The following SLC8A3 variants were observed in gnomAD, a reference collection of about 807,000 sequenced individuals.
The protein encoded by SLC8A3 is sodium/calcium exchanger 3.
Under a neutral mutation model 65.4 loss-of-function variants are expected in SLC8A3, and 37 were observed. The observed-to-expected ratio is 0.57, with a 90% CI of 0.44 to 0.74. The LOEUF (loss-of-function observed/expected upper bound fraction) is 0.74, where lower values mean the gene tolerates loss of function less well. Ranked by LOEUF, SLC8A3 falls within the 30% of genes least tolerant of loss-of-function variation. The pLI is 0.00. For synonymous variants in SLC8A3, 461 were observed against 444.5 expected, an observed-to-expected ratio of 1.04 and a Z score of -0.47; for missense variants, 1,112 against 1,172.1, an observed-to-expected ratio of 0.95 and a Z score of 0.75.
chr14:70,057,355 CT>C (rs1209517833), intron 3 of SLC8A3, among the ~76,000 whole-genome samples: 7 of 152,002 alleles, frequency 4.6e-5, no homozygotes, highest in African/African-American at 1.7e-4. Flanking sequence ...CTTGTTTATT[CT>C]GCTCCTTCCG....
chr14:70,185,979 T>C (rs1011293072), intron 1 of SLC8A3, among the ~76,000 whole-genome samples: 4 of 152,002 alleles, frequency 2.6e-5, no homozygotes, highest in East Asian at 1.9e-4. Context: ...TCTTTTGGAG[T>C]CCAATGGACT....
chr14:70,103,191 C>T (rs767856391), intron 2 of SLC8A3, among the ~76,000 whole-genome samples: 1 of 151,824 alleles, frequency 6.6e-6, no homozygotes, highest in African/African-American at 2.4e-5. Context: ...TTTCTATGTC[C>T]AATTAAAATA....
intron 2 of SLC8A3, among the ~76,000 whole-genome samples, chr14:70,077,595 G>A (rs1209905229): frequency 6.6e-6 from 1 of 152,184 alleles, no homozygotes; most frequent in Non-Finnish European, 1.5e-5. Flanking sequence ...ATAAGGAGAA[G>A]TTCTCCGTGG....
At chr14:70,157,585 T>C (rs546674650) in intron 2 of SLC8A3, among the ~76,000 whole-genome samples, 1 of 152,316 alleles carries the variant, frequency 6.6e-6, no homozygotes, top group South Asian at 2.1e-4. Context: ...GGGGTACCAT[T>C]GCAAGCTGCA....
chr14:70,166,222 G>A (rs912985965), intron 2 of SLC8A3, among the ~76,000 whole-genome samples: 9 of 152,186 alleles, frequency 5.9e-5, no homozygotes, highest in Non-Finnish European at 1.2e-4. Flanking sequence ...GAATGGAAAG[G>A]ATTGGTTTCA....
chr14:70,177,149 G>A (rs1424369927), intron 1 of SLC8A3, among the ~76,000 whole-genome samples: 1 of 152,180 alleles, frequency 6.6e-6, no homozygotes, highest in Non-Finnish European at 1.5e-5. Context: ...TGTATGCCCA[G>A]TGCCTAAATC....
intron 1 of SLC8A3, among the ~76,000 whole-genome samples, chr14:70,179,780 G>T (rs1882572687): frequency 6.6e-6 from 1 of 152,164 alleles, no homozygotes; most frequent in South Asian, 2.1e-4. Flanking sequence ...AATGCTATGT[G>T]CCAGGGGTTT....
chr14:70,057,443 TCAGACAAAGGCAGCTCTTC>T (rs1364992958), intron 3 of SLC8A3, among the ~76,000 whole-genome samples: 1 of 152,074 alleles, frequency 6.6e-6, no homozygotes, highest in Non-Finnish European at 1.5e-5. Context: ...CACAGGTGGG[TCAGACAAAGGCAGCTCTTC>T]CAGAAAGGTC....
At chr14:70,186,037 G>T (rs546477825) in intron 1 of SLC8A3, among the ~76,000 whole-genome samples, 1 of 152,246 alleles carries the variant, frequency 6.6e-6, no homozygotes, top group African/African-American at 2.4e-5. Flanking sequence ...ATCTCATCTT[G>T]AATTGTAGTT....
chr14:70,085,228 G>A (rs763436653), intron 2 of SLC8A3, among the ~76,000 whole-genome samples: 7 of 151,918 alleles, frequency 4.6e-5, no homozygotes, highest in Non-Finnish European at 8.8e-5. Flanking sequence ...TTGGGAAGGG[G>A]AATAGATTAG....
At chr14:70,186,842 G>A (rs1177411876) in intron 1 of SLC8A3, among the ~76,000 whole-genome samples, 1 of 152,266 alleles carries the variant, frequency 6.6e-6, no homozygotes, top group East Asian at 1.9e-4. Context: ...GCCCCAGCCC[G>A]AAGCCAAGAG....
At chr14:70,090,820 C>T (rs949413560) in intron 2 of SLC8A3, among the ~76,000 whole-genome samples, 9 of 152,154 alleles carry the variant, frequency 5.9e-5, no homozygotes, top group Non-Finnish European at 8.8e-5. Flanking sequence ...CAAAATCTCC[C>T]TTTGCTCTAG....
At chr14:70,063,948 G>C (rs773052123) in intron 2 of SLC8A3, 1 of 1,395,722 alleles carries the variant, frequency 7.2e-7, no homozygotes. Context: ...GGAAAAATAA[G>C]TATCATAAGC....
At chr14:70,153,715 G>A (rs956203515) in intron 2 of SLC8A3, among the ~76,000 whole-genome samples, 2 of 152,074 alleles carry the variant, frequency 1.3e-5, no homozygotes, top group Admixed American at 6.6e-5. Flanking sequence ...CTCTGCCTCC[G>A]CTCTCCTGTT....
intron 1 of SLC8A3, among the ~76,000 whole-genome samples, chr14:70,181,225 C>A (rs1034764975): frequency 6.6e-6 from 1 of 152,152 alleles, no homozygotes; most frequent in Non-Finnish European, 1.5e-5. Flanking sequence ...CAATTCATTG[C>A]CTCCTCTATG....
chr14:70,166,147 T>A (rs2140363674), intron 2 of SLC8A3, among the ~76,000 whole-genome samples: 1 of 152,362 alleles, frequency 6.6e-6, no homozygotes, highest in South Asian at 2.1e-4. Flanking sequence ...GGCAATATAG[T>A]ACCAGGGAAC....
intron 2 of SLC8A3, among the ~76,000 whole-genome samples, chr14:70,125,923 C>G (rs1327197732): frequency 1.3e-5 from 2 of 152,332 alleles, no homozygotes; most frequent in East Asian, 3.9e-4. Context: ...GAAGTCCTGG[C>G]TTTACTGAAT....
Position 70,167,612 on chromosome 14 carries a change from G to T in SLC8A3, c.811C>A (p.Arg271=), listed in dbSNP as rs758701735. The T allele has an allele frequency of 6.2e-7, 1 of 1,614,070 alleles. No homozygotes were observed. The highest frequency in any genetic ancestry group is 8.5e-7 in the Non-Finnish European group (1 of 1,180,022). ...CCCTCTGTCTCTATGATAATTCCTC[G>T]GTGTTTGTCTGTGCGGTACTTTTTG... ...MHKKYRTDKH[R]GIIIETEGDH... Residue 271 remains arginine (R), a synonymous_variant, in exon 2 of 7, where the codon CGA becomes AGA. Transcript: ENST00000356921.
chr14:70,081,853 A>G (rs1034652756), intron 2 of SLC8A3, among the ~76,000 whole-genome samples: 8 of 152,342 alleles, frequency 5.3e-5, no homozygotes, highest in Middle Eastern at 3.4e-3. Flanking sequence ...AAAGAACAGT[A>G]TGAAAAATGA....
Sources: allele counts gnomAD v4.1 joint callset (sites outside exome capture counted in the v4.1 genomes callset), GRCh38; gene constraint gnomAD v4.1.1; transcripts MANE v1.5; gene names NCBI Gene and HGNC (gene_info 2026-07-23, HGNC 2026-07-21).